DLGAP2: variants seen among roughly 807,000 people sequenced by gnomAD.
DLGAP2 encodes disks large-associated protein 2.
DLGAP2 carries 26 observed loss-of-function variants against 100.3 expected under a neutral mutation model. That is an observed-to-expected ratio of 0.26 (90% CI 0.19 to 0.36). The LOEUF is 0.36. DLGAP2 is among the 10% of genes least tolerant of loss of function. DLGAP2 has a pLI of 1.00. For missense variants in DLGAP2, 1,858 were observed against 1,453.2 expected (o/e 1.28, Z -4.53); for synonymous variants, 886 against 630.1 (o/e 1.41, Z -6.08).
chr8:1,298,202 C>T (rs570292320), intron 3 of DLGAP2, among the ~76,000 whole-genome samples: 2 of 152,250 alleles, frequency 1.3e-5, no homozygotes, highest in South Asian at 2.1e-4. Context: ...ACGGACACCA[C>T]GCGAGATAGG....
At chr8:1,409,068 C>T (rs1427518654) in intron 3 of DLGAP2, among the ~76,000 whole-genome samples, 4 of 152,206 alleles carry the variant, frequency 2.6e-5, no homozygotes, top group Non-Finnish European at 5.9e-5. Flanking sequence ...ACCCCTTCCT[C>T]ACTGTAGCAG....
intron 2 of DLGAP2, among the ~76,000 whole-genome samples, chr8:996,388 G>A (rs28758549): frequency 0.15 from 23,416 of 152,122 alleles, 2,333 homozygotes; most frequent in Non-Finnish European, 0.22. Context: ...TGAGCAGGGT[G>A]TGGATCCCGT....
chr8:907,513 A>G (rs1306327246), intron 1 of DLGAP2, among the ~76,000 whole-genome samples: 3 of 152,248 alleles, frequency 2.0e-5, no homozygotes, highest in Admixed American at 2.0e-4. Context: ...AAGACCCAGC[A>G]CAATGTTCCA....
rs528617871 is a variant in DLGAP2 at position 1,132,422 on chromosome 8, C to T, written c.74-126429C>T. Among the ~76,000 whole-genome samples, 27 of 152,202 alleles carry T rather than the reference C, an allele frequency of 1.8e-4. 1 individual carries two copies. The South Asian group carries it at 2.7e-3, about 15-fold the overall frequency. ...TATTACAGTTAAGCTACTTGTCTTT[C>T]CTGGGTGGTTAAAAGAGGAGTGCAA... On this transcript the variant is annotated intron_variant, in intron 2 of 14. Coordinates refer to ENST00000637795, the MANE Select transcript of DLGAP2 (RefSeq NM_001346810.2).
At chr8:1,074,479 G>A (rs554380438) in intron 2 of DLGAP2, among the ~76,000 whole-genome samples, 1 of 152,340 alleles carries the variant, frequency 6.6e-6, no homozygotes, top group Admixed American at 6.5e-5. Context: ...ACCCTTTCAT[G>A]TGGGACAGAG....
chr8:1,665,606 C>A (rs1798524383), intron 8 of DLGAP2, among the ~76,000 whole-genome samples: 1 of 152,284 alleles, frequency 6.6e-6, no homozygotes, highest in East Asian at 1.9e-4. Context: ...TTTTTTACTA[C>A]CCCTATTGCT....
intron 6 of DLGAP2, among the ~76,000 whole-genome samples, chr8:1,615,031 C>G (rs931586006): frequency 2.6e-5 from 4 of 152,264 alleles, no homozygotes; most frequent in Non-Finnish European, 5.9e-5. Flanking sequence ...GGAACTGAAG[C>G]AGACAGCTGC....
At chr8:1,193,786 G>C (rs1269834474) in intron 2 of DLGAP2, among the ~76,000 whole-genome samples, 1 of 151,946 alleles carries the variant, frequency 6.6e-6, no homozygotes, top group Non-Finnish European at 1.5e-5. Context: ...TAGAGCCTCC[G>C]CACCATGCCC....
rs1215006329 is a variant in DLGAP2 at position 1,279,430 on chromosome 8, G to A, written c.106+20547G>A. On this transcript the variant is annotated intron_variant, in intron 3 of 14. Coordinates refer to ENST00000637795, the MANE Select transcript of DLGAP2 (RefSeq NM_001346810.2). ...ACCAAGAAGTATGAAAGTTAGATGT[G>A]TTCAAAACTAAGCTTCAAGGCGGAA... is the stretch of plus-strand genomic sequence containing the variant. 2.6e-5 allele frequency among the ~76,000 whole-genome samples: 4 copies of A among 152,180 alleles called. No homozygotes were observed. The East Asian group carries it at 7.7e-4, about 29-fold the overall frequency.
At chr8:1,598,984 A>C (rs1053460177) in intron 6 of DLGAP2, among the ~76,000 whole-genome samples, 1 of 152,052 alleles carries the variant, frequency 6.6e-6, no homozygotes, top group Admixed American at 6.6e-5. Flanking sequence ...GATCTTTCCC[A>C]CTTTCTCCTG....
rs185806951 is a variant in DLGAP2, at chr8:1,359,452, C to T, written c.106+100569C>T. On this transcript the variant is annotated intron_variant, in intron 3 of 14. Coordinates refer to ENST00000637795, the MANE Select transcript of DLGAP2 (RefSeq NM_001346810.2). ...GTAAGGACAGGTTGGAGCCCAGGAACGTGGGCGTGGGGACACGGGTGGTGC... is the reference window on the plus strand; with the variant it reads ...GTAAGGACAGGTTGGAGCCCAGGAATGTGGGCGTGGGGACACGGGTGGTGC... Among the ~76,000 whole-genome samples the T allele has an allele frequency of 1.7e-3, 262 of 152,368 alleles. 1 individual carries two copies. The highest frequency in any genetic ancestry group is 5.7e-3 in the African/African-American group (237 of 41,592).
intron 2 of DLGAP2, among the ~76,000 whole-genome samples, chr8:1,015,028 G>A (rs1296813225): frequency 3.9e-4 from 8 of 20,438 alleles, no homozygotes; most frequent in African/African-American, 1.3e-3. Context: ...GTGTGACCAG[G>A]ACAGACGGCG....
intron 3 of DLGAP2, among the ~76,000 whole-genome samples, chr8:1,405,411 G>A (rs1274658519): frequency 6.2e-5 from 1 of 16,036 alleles, no homozygotes. Flanking sequence ...TGTATTGAGT[G>A]CTTACTGAGC....
intron 3 of DLGAP2, among the ~76,000 whole-genome samples, chr8:1,310,563 A>G (rs1314567871): frequency 6.6e-6 from 1 of 152,230 alleles, no homozygotes; most frequent in African/African-American, 2.4e-5. Flanking sequence ...GTGTACATGA[A>G]ACATTCTCCA....
At chr8:1,328,566 G>C (rs1431883393) in intron 3 of DLGAP2, among the ~76,000 whole-genome samples, 2 of 152,116 alleles carry the variant, frequency 1.3e-5, no homozygotes, top group Admixed American at 1.3e-4. Context: ...GGCCAGGCTG[G>C]TCTTGAACTC....
chr8:834,191 G>C (rs893619563), intron 1 of DLGAP2, among the ~76,000 whole-genome samples: 1 of 152,196 alleles, frequency 6.6e-6, no homozygotes, highest in African/African-American at 2.4e-5. Flanking sequence ...AGAAGCGGAG[G>C]AGTAGACCAT....
At chr8:1,638,858 G>A (rs527542133) in intron 8 of DLGAP2, among the ~76,000 whole-genome samples, 7 of 152,362 alleles carry the variant, frequency 4.6e-5, no homozygotes, top group African/African-American at 1.7e-4. Context: ...GCGGATGCAT[G>A]CAGATCCCAG....
At chr8:999,494 T>G (rs1359614572) in intron 2 of DLGAP2, among the ~76,000 whole-genome samples, 1 of 151,628 alleles carries the variant, frequency 6.6e-6, no homozygotes, top group Non-Finnish European at 1.5e-5. Flanking sequence ...TTTTTTTTTT[T>G]TCCCGATGGA....
intron 3 of DLGAP2, among the ~76,000 whole-genome samples, chr8:1,349,002 A>G (rs1220632281): frequency 6.6e-6 from 1 of 151,860 alleles, no homozygotes; most frequent in African/African-American, 2.4e-5. Context: ...GCATTCATTT[A>G]TCTTTCTGGA....
Sources: gnomAD v4.1 joint callset for allele counts (sites outside exome capture counted in the v4.1 genomes callset) on GRCh38, gnomAD v4.1.1 for gene constraint, MANE v1.5 for transcripts, NCBI Gene and HGNC (gene_info 2026-07-23, HGNC 2026-07-21) for gene names.